The following FBN2 variants were observed in gnomAD, a reference collection of about 807,000 sequenced individuals.
The protein encoded by FBN2 is fibrillin-2.
Under a neutral mutation model 355.6 loss-of-function variants are expected in FBN2, and 105 were observed. The ratio of observed to expected loss-of-function variants is 0.30; its 90% CI spans 0.25 to 0.35. The LOEUF is 0.35. FBN2 is among the 10% of genes least tolerant of loss of function. The probability of loss-of-function intolerance (pLI) is 1.00; values close to 1 mark genes in which losing one functional copy is unlikely to be tolerated. For missense variants in FBN2, 3,280 were observed against 3,758.7 expected (o/e 0.87, Z 3.33); for synonymous variants, 1,350 against 1,301.2 (o/e 1.04, Z -0.81).
intron 34 of FBN2, among the ~76,000 whole-genome samples, chr5:128,323,449 T>C (rs920484338): frequency 3.9e-5 from 6 of 152,192 alleles, no homozygotes; most frequent in African/African-American, 1.4e-4. Flanking sequence ...TCAAGTTTAT[T>C]GAGAGTTTTT....
intron 25 of FBN2, among the ~76,000 whole-genome samples, chr5:128,343,382 C>T (rs936922955): frequency 1.3e-5 from 2 of 152,118 alleles, no homozygotes; most frequent in Non-Finnish European, 2.9e-5. Flanking sequence ...GGCAGCAGGA[C>T]TTCAGAAAGC....
intron 2 of FBN2, among the ~76,000 whole-genome samples, chr5:128,534,073 A>G (rs759377878): frequency 1.1e-4 from 16 of 152,154 alleles, no homozygotes; most frequent in Non-Finnish European, 2.1e-4. Flanking sequence ...AAACACTAAA[A>G]TTCTGTTGAC....
chr5:128,318,246 T>G lies in FBN2; in HGVS notation c.4620A>C (p.Ile1540=), dbSNP rs1251544477. The G allele has an allele frequency of 1.2e-6, 2 of 1,613,918 alleles. No individual in the cohort carries two copies. The highest frequency in any genetic ancestry group is 1.7e-6 in the Non-Finnish European group (2 of 1,179,952). ...CTDIDECADP[I]NCVNGLCVNT... The stretch of plus-strand genomic sequence containing the variant: ...TGACACATAGGCCATTGACACAGTT[T>G]ATAGGATCTGCACACTCATCAATAT... Residue 1540 remains isoleucine (I), a synonymous_variant, in exon 36 of 65, where the codon ATA becomes ATC. Coordinates refer to ENST00000262464, the MANE Select transcript of FBN2 (RefSeq NM_001999.4).
intron 11 of FBN2, among the ~76,000 whole-genome samples, chr5:128,379,949 G>A (rs1001139855): frequency 2.0e-5 from 3 of 152,006 alleles, no homozygotes; most frequent in Non-Finnish European, 4.4e-5. Context: ...TTTCACAGAT[G>A]TTCTTAAAAG....
intron 11 of FBN2, among the ~76,000 whole-genome samples, chr5:128,382,245 T>C (rs934761531): frequency 3.3e-5 from 5 of 152,130 alleles, no homozygotes; most frequent in Non-Finnish European, 7.4e-5. Flanking sequence ...ATTTTTCTAC[T>C]GCATTTAACA....
intron 15 of FBN2, chr5:128,371,325 G>A (rs1751929970): frequency 6.6e-6 from 1 of 152,176 alleles, no homozygotes; most frequent in Admixed American, 6.5e-5. Context: ...GTAGCACCAT[G>A]AGAATATGCT....
intron 7 of FBN2, among the ~76,000 whole-genome samples, chr5:128,427,365 A>G (rs1449023329): frequency 1.3e-5 from 2 of 152,114 alleles, no homozygotes; most frequent in Non-Finnish European, 2.9e-5. Flanking sequence ...TCTCTATAGA[A>G]ACTAAATATA....
At chr5:128,389,193 G>T (rs1752446307) in intron 11 of FBN2, among the ~76,000 whole-genome samples, 3 of 152,140 alleles carry the variant, frequency 2.0e-5, no homozygotes, top group East Asian at 3.8e-4. Flanking sequence ...AGATCAGTTT[G>T]CTTCTTAAGA....
chr5:128,370,057 T>A (rs1751889558), intron 15 of FBN2, among the ~76,000 whole-genome samples: 1 of 152,202 alleles, frequency 6.6e-6, no homozygotes, highest in South Asian at 2.1e-4. Flanking sequence ...ATCCAGTGCC[T>A]GAGTTGGGGT....
rs1554118137 is a variant in FBN2 at position 128,289,218 on chromosome 5, A to G, written c.6546T>C (p.Cys2182=). 1 of 1,613,780 alleles carries G rather than the reference A, an allele frequency of 6.2e-7. No homozygotes were observed. The highest frequency in any genetic ancestry group is 1.3e-5 in the African/African-American group (1 of 74,938). The change falls in exon 52 of 65, where the codon TGT becomes TGC. Residue 2182 remains cysteine, a synonymous_variant. Transcript: ENST00000262464. ...CGGTGTTGATACATTGACCATTTGA[A>G]CAAATGCCTGGGCTCTCAAGACACT... ...VNECLESPGI[C]SNGQCINTDG...
At position 128,369,353 on chromosome 5, in the gene FBN2, C is replaced by T. The variant is rs369377429; in HGVS notation, c.2096-19G>A. On this transcript the variant is annotated intron_variant, in intron 15 of 64. Transcript: ENST00000262464. ...TGAGTATCTAAAGGAGATACAAAAA[C>T]AATGACTTGAGGCAGTGATAGAGAC... 4.5e-5 allele frequency: 73 copies of T among 1,613,556 alleles called. 1 individual carries two copies. Among genetic ancestry groups the T allele is most frequent in the Admixed American group, 2.7e-4 (16 of 59,924 alleles).
At chr5:128,508,030 T>C (rs540543393) in intron 5 of FBN2, among the ~76,000 whole-genome samples, 2 of 152,208 alleles carry the variant, frequency 1.3e-5, no homozygotes, top group Admixed American at 1.3e-4. Context: ...GCCTTCTTTA[T>C]GCCTGATACT....
Position 128,259,749 on chromosome 5 carries a change from C to T in FBN2, c.8445G>A (p.Lys2815=). 1.9e-6 allele frequency: 3 copies of T among 1,613,790 alleles called. No homozygotes were observed. The highest frequency in any genetic ancestry group is 1.3e-5 in the African/African-American group (1 of 74,920). ...MKFNLSHLGS[K]EHILELRPAI... ...CGGGCCTTAGTTCCAGGATGTGCTC[C>T]TTAGAGCCGAGGTGGGAGAGGTTGA... Residue 2815 remains lysine (K), a synonymous_variant, in exon 65 of 65, where the codon AAG becomes AAA. Transcript: ENST00000262464.
intron 4 of FBN2, among the ~76,000 whole-genome samples, chr5:128,522,793 G>A (rs1167650810): frequency 9.2e-5 from 14 of 152,072 alleles, no homozygotes; most frequent in Non-Finnish European, 2.1e-4. Context: ...ATTTCAACTG[G>A]AGTCAGAAAA....
intron 34 of FBN2, among the ~76,000 whole-genome samples, chr5:128,321,003 C>G (rs1240445386): frequency 6.6e-6 from 1 of 152,028 alleles, no homozygotes; most frequent in African/African-American, 2.4e-5. Context: ...ACCATAATTT[C>G]CACAGTGTTT....
chr5:128,478,004 T>C (rs1217723870), intron 5 of FBN2, among the ~76,000 whole-genome samples: 2 of 152,222 alleles, frequency 1.3e-5, no homozygotes, highest in Non-Finnish European at 2.9e-5. Flanking sequence ...ACATCTGAGA[T>C]TGCTGAATGT....
chr5:128,375,974 T>C (rs1351600173), intron 14 of FBN2, among the ~76,000 whole-genome samples: 6 of 151,974 alleles, frequency 3.9e-5, no homozygotes, highest in Admixed American at 1.3e-4. Flanking sequence ...GAGTCAAGGG[T>C]GCAGTGAGCT....
intron 7 of FBN2, among the ~76,000 whole-genome samples, chr5:128,424,824 G>A (rs1397908193): frequency 6.6e-6 from 1 of 152,090 alleles, no homozygotes; most frequent in Non-Finnish European, 1.5e-5. Flanking sequence ...GTGGCAAGAG[G>A]CAGCTCCATC....
chr5:128,432,957 G>A (rs1213719153), intron 7 of FBN2, among the ~76,000 whole-genome samples: 1 of 151,958 alleles, frequency 6.6e-6, no homozygotes, highest in East Asian at 1.9e-4. Flanking sequence ...CAAGAGCAGG[G>A]AAAACTGCCT....
Sources: allele counts gnomAD v4.1 joint callset (sites outside exome capture counted in the v4.1 genomes callset), GRCh38; gene constraint gnomAD v4.1.1; transcripts MANE v1.5; gene names NCBI Gene and HGNC (gene_info 2026-07-23, HGNC 2026-07-21).